Variants in MYO9B observed in about 807,000 individuals in gnomAD.
MYO9B encodes the protein myosin IXB.
In MYO9B, 71 loss-of-function variants were observed where a neutral mutation model predicts 229.5. The ratio of observed to expected loss-of-function variants is 0.31; its 90% CI spans 0.26 to 0.38. The LOEUF is 0.38. Ranked by LOEUF, MYO9B falls within the 10% of genes least tolerant of loss-of-function variation. The pLI, the probability that MYO9B is intolerant of heterozygous loss-of-function variation, is 1.00. For synonymous variants in MYO9B, 1,185 were observed against 1,235.8 expected (o/e 0.96, Z 0.86); for missense variants, 2,255 against 2,920.5 (o/e 0.77, Z 5.25).
chr19:17,147,999 G>A (rs2072434659), intron 3 of MYO9B, among the ~76,000 whole-genome samples: 1 of 151,998 alleles, frequency 6.6e-6, no homozygotes, highest in Non-Finnish European at 1.5e-5. Flanking sequence ...TTTTTAAGAA[G>A]CCACCATACT....
At position 17,176,781 on chromosome 19, in the gene MYO9B, T is replaced by A. The variant is rs137897343; in HGVS notation, c.2219+1040T>A. Among the ~76,000 whole-genome samples, 700 of 152,244 alleles carry A rather than the reference T, an allele frequency of 4.6e-3. 4 individuals carry two copies. Among genetic ancestry groups the A allele is most frequent in the African/African-American group, 0.016 (676 of 41,536 alleles). ...CCAAAAGTAGTTCTGCCAAGTTACT[T>A]CATTCACAGTCAGAAACACATACAC... On this transcript the variant is annotated intron_variant, in intron 14 of 39. Coordinates refer to ENST00000682292, the MANE Select transcript of MYO9B (RefSeq NM_004145.4).
rs1300491141 is a variant in MYO9B at position 17,191,158 on chromosome 19, T to C, written c.2750T>C (p.Ile917Thr). 1 of 1,612,502 alleles carries C rather than the reference T, an allele frequency of 6.2e-7. No individual in the cohort carries two copies. The highest frequency in any genetic ancestry group is 2.2e-5 in the East Asian group (1 of 44,868). The change falls in exon 20 of 40, where the codon ATC becomes ACC. Residue 917 changes from isoleucine to threonine, a missense_variant. Ile to Thr is a moderately conservative substitution (Grantham distance 89). Around this residue, in one of 7 missense-constraint regions of MYO9B, gnomAD observed 679 missense variants for 770.2 expected, o/e 0.88. Transcript: ENST00000682292. ...PKDAQPCREV[I>T]STLLEKMKID... The stretch of plus-strand genomic sequence containing the variant: ...GATGCCCAGCCCTGCAGGGAGGTCA[T>C]CTCCACCCTCCTGGAGAAAATGAAG...
intron 2 of MYO9B, among the ~76,000 whole-genome samples, chr19:17,131,449 C>T (rs753515770): frequency 4.3e-4 from 66 of 152,142 alleles, no homozygotes; most frequent in South Asian, 1.0e-3. Context: ...TTGTATTTTT[C>T]GTAGAGACAG....
intron 3 of MYO9B, among the ~76,000 whole-genome samples, chr19:17,150,019 A>AT (rs1159243299): frequency 2.6e-5 from 4 of 152,140 alleles, no homozygotes; most frequent in African/African-American, 4.8e-5. Context: ...AGAAGGAAAC[A>AT]TTTTTTTCTC....
chr19:17,156,721 A>T (rs1021992822), intron 6 of MYO9B, among the ~76,000 whole-genome samples, 188 bp from the exon 7 acceptor site: 2 of 152,188 alleles, frequency 1.3e-5, no homozygotes, highest in Non-Finnish European at 2.9e-5. Context: ...AATCCAGGAA[A>T]AAGATAACTG....
At position 17,211,760 on chromosome 19, in the gene MYO9B, G is replaced by A. The variant is rs930644226; in HGVS notation, c.6044G>A (p.Arg2015Gln). ...AGCCTGCTGGAGGAGCGGGCCGGGC[G>A]GGGGGCCTCGGAAGGTCAGTATTAA... ...TESLLEERAGRGASEGPPAPA... is the reference protein window; with the variant it reads ...TESLLEERAGQGASEGPPAPA... The change falls in exon 39 of 40, where the codon CGG (arginine) becomes CAG (glutamine). Residue 2015 changes from arginine (R) to glutamine (Q), a missense_variant. Physicochemically the swap from Arg to Gln is conservative, Grantham distance 43. Transcript: ENST00000682292. The A allele has an allele frequency of 5.5e-5, 88 of 1,612,792 alleles. 1 individual carries two copies. The highest frequency in any genetic ancestry group is 1.1e-4 in the South Asian group (10 of 91,038).
At position 17,172,345 on chromosome 19, in the gene MYO9B, C is replaced by T. The variant is rs758252048; in HGVS notation, c.1803C>T (p.His601=). The change falls in exon 12 of 40, where the codon CAC becomes CAT. Residue 601 remains histidine (H), a synonymous_variant. Coordinates refer to ENST00000682292, the MANE Select transcript of MYO9B (RefSeq NM_004145.4). The surrounding 1 kb of genome is among the most constrained non-coding windows in gnomAD (Gnocchi z 8.2). ...YLLDEESNFP[H]ATSQTLLAKF... ...CATGTTCTGTTCCCAGCTTCCCCCA[C>T]GCCACGAGCCAGACCCTGCTGGCCA... The T allele has an allele frequency of 1.4e-5, 22 of 1,613,822 alleles. No individual in the cohort carries two copies. Among genetic ancestry groups the T allele is most frequent in the Admixed American group, 5.0e-5 (3 of 59,984 alleles).
At chr19:17,201,885 C>A in intron 26 of MYO9B, 41 bp from the exon 27 acceptor site, 1 of 1,528,168 alleles carries the variant, frequency 6.5e-7, no homozygotes, top group Non-Finnish European at 9.0e-7. Context: ...CGCAGGTCCC[C>A]AGGCCTGAGG....
rs899342870 is a variant in MYO9B, at chr19:17,188,050, G to T, written c.2688+5G>T. 6.3e-7 allele frequency: 1 copy of T among 1,580,610 alleles called. No individual in the cohort carries two copies. The highest frequency in any genetic ancestry group is 1.3e-5 in the African/African-American group (1 of 74,208). ...AGCGCCAAGTACACGTTCCAGGTAG[G>T]CCACAAGCACATATACCTGGACACA... On this transcript the variant is annotated splice_donor_5th_base_variant and intron_variant, in intron 19 of 39. Transcript: ENST00000682292.
At chr19:17,187,828 A>G (rs1435054873) in intron 18 of MYO9B, 107 bp from the exon 19 acceptor site, 3 of 880,828 alleles carry the variant, frequency 3.4e-6, no homozygotes, top group African/African-American at 1.7e-5. Context: ...CAGTGGTCGC[A>G]TGGGGAAGTG....
rs775766165 is a variant in MYO9B at position 17,206,391 on chromosome 19, G to T, written c.5386+15G>T. ...CCGAGCCGTCGGTGAGCCCCATGGCGGTGCGGGTGGCAGCAGGTGGCCACA... is the reference window on the plus strand; with the variant it reads ...CCGAGCCGTCGGTGAGCCCCATGGCTGTGCGGGTGGCAGCAGGTGGCCACA... On this transcript the variant is annotated intron_variant, in intron 33 of 39. Transcript: ENST00000682292. The T allele has an allele frequency of 2.5e-6, 4 of 1,606,418 alleles. No homozygotes were observed. In the African/African-American group the frequency reaches 5.3e-5, roughly 21 times the overall value.
At chr19:17,182,862 A>G (rs1307547106) in intron 15 of MYO9B, among the ~76,000 whole-genome samples, 1 of 152,136 alleles carries the variant, frequency 6.6e-6, no homozygotes, top group Non-Finnish European at 1.5e-5. Flanking sequence ...AAGATTCCAT[A>G]AGGTGTCTGA....
chr19:17,135,491 C>T (rs991297456), intron 2 of MYO9B, among the ~76,000 whole-genome samples: 4 of 152,056 alleles, frequency 2.6e-5, no homozygotes, highest in African/African-American at 9.7e-5. Context: ...GCTTTGAGAC[C>T]GTGCGAGCCC....
At chr19:17,180,341 ATTTT>A (rs776734202) in intron 14 of MYO9B, among the ~76,000 whole-genome samples, 11 of 88,004 alleles carry the variant, frequency 1.2e-4, no homozygotes, top group South Asian at 7.4e-4. Flanking sequence ...GATGGAAATA[ATTTT>A]TTTTTTTTTT....
chr19:17,096,324 G>A (rs1397176766), intron 1 of MYO9B, among the ~76,000 whole-genome samples: 3 of 152,076 alleles, frequency 2.0e-5, no homozygotes, highest in Non-Finnish European at 4.4e-5. Flanking sequence ...GCAGGGTCAC[G>A]TGCTAGGTAT....
intron 19 of MYO9B, among the ~76,000 whole-genome samples, chr19:17,188,460 C>A (rs1458412586): frequency 6.7e-6 from 1 of 149,430 alleles, no homozygotes; most frequent in Non-Finnish European, 1.5e-5. Context: ...AGAAGAAACC[C>A]CTGCCTCATG....
intron 1 of MYO9B, among the ~76,000 whole-genome samples, chr19:17,084,314 G>T (rs543591948): frequency 1.5e-4 from 23 of 151,902 alleles, no homozygotes; most frequent in Non-Finnish European, 2.6e-4. Flanking sequence ...CTCCAGCCTG[G>T]GTGACAGAGT....
chr19:17,154,543 G>A (rs574622912), intron 6 of MYO9B, 128 bp downstream of exon 6: 18 of 617,684 alleles, frequency 2.9e-5, no homozygotes, highest in Middle Eastern at 4.5e-4. Context: ...GAACAGTGCC[G>A]CCATAGGGAG....
At chr19:17,102,849 G>A (rs746184669) in intron 2 of MYO9B, among the ~76,000 whole-genome samples, 11 of 151,026 alleles carry the variant, frequency 7.3e-5, no homozygotes, top group Non-Finnish European at 1.3e-4. Context: ...CGAGGCTTCA[G>A]TGAGCTATGA....
Sources: gnomAD v4.1 joint callset for allele counts (sites outside exome capture counted in the v4.1 genomes callset) on GRCh38, gnomAD v4.1.1 for gene constraint, gnomAD v4.1.1 regional missense constraint, Gnocchi (gnomAD v3.1) non-coding constraint, MANE v1.5 for transcripts, NCBI Gene and HGNC (gene_info 2026-07-23, HGNC 2026-07-21) for gene names.